The following CDYL variants were observed in gnomAD, a reference collection of about 807,000 sequenced individuals.
CDYL encodes the protein chromodomain Y like, also known as chromodomain Y-like protein.
In CDYL, 8 loss-of-function variants were observed where a neutral mutation model predicts 47.3. The ratio of observed to expected loss-of-function variants is 0.17; its 90% CI spans 0.10 to 0.31. The LOEUF is 0.31. Ranked by LOEUF, CDYL falls within the 10% of genes least tolerant of loss-of-function variation. CDYL has a pLI of 1.00. For synonymous variants in CDYL, 266 were observed against 265.0 expected, an observed-to-expected ratio of 1.00 and a Z score of -0.04; for missense variants, 471 against 701.4, an observed-to-expected ratio of 0.67 and a Z score of 3.71.
chr6:4,949,869 A>G (rs1430022075), intron 5 of CDYL, among the ~76,000 whole-genome samples: 2 of 152,186 alleles, frequency 1.3e-5, no homozygotes, highest in African/African-American at 4.8e-5. Flanking sequence ...TTAAGTGAAA[A>G]AGCTTTAACA....
At chr6:4,817,420 C>T (rs1012754928) in intron 1 of CDYL, among the ~76,000 whole-genome samples, 7 of 150,672 alleles carry the variant, frequency 4.6e-5, no homozygotes, top group Non-Finnish European at 1.0e-4. Flanking sequence ...GCCAGCTACT[C>T]ACTCCCACCG....
chr6:4,711,047 A>G (rs774050363), intron 1 of CDYL, among the ~76,000 whole-genome samples: 1 of 152,164 alleles, frequency 6.6e-6, no homozygotes, highest in Non-Finnish European at 1.5e-5. Context: ...CACTTCAAAT[A>G]TATACTGTAA....
At chr6:4,736,842 C>T (rs943532063) in intron 3 of CDYL, among the ~76,000 whole-genome samples, 1 of 152,178 alleles carries the variant, frequency 6.6e-6, no homozygotes, top group Non-Finnish European at 1.5e-5. Context: ...TGCTAATTCA[C>T]TTAATTCAAC....
intron 1 of CDYL, among the ~76,000 whole-genome samples, chr6:4,821,474 C>T (rs564241928): frequency 2.0e-4 from 31 of 152,084 alleles, no homozygotes; most frequent in African/African-American, 6.7e-4. Context: ...TGGCTCATGC[C>T]TGTAATCCCG....
intron 2 of CDYL, among the ~76,000 whole-genome samples, chr6:4,726,407 C>T (rs1470751860): frequency 6.6e-6 from 1 of 151,958 alleles, no homozygotes; most frequent in African/African-American, 2.4e-5. Context: ...TGGTACGCAC[C>T]TGTAATCCCA....
At chr6:4,829,746 G>A (rs1406684578) in intron 1 of CDYL, among the ~76,000 whole-genome samples, 1 of 152,174 alleles carries the variant, frequency 6.6e-6, no homozygotes, top group African/African-American at 2.4e-5. Context: ...AAGTTCAGAT[G>A]TCGTGCCGTG....
intron 1 of CDYL, among the ~76,000 whole-genome samples, chr6:4,801,473 G>A (rs1387224163): frequency 6.6e-6 from 1 of 152,196 alleles, no homozygotes; most frequent in African/African-American, 2.4e-5. Context: ...CTGAACTCTT[G>A]TGTTCTTCTG....
At chr6:4,769,408 A>G (rs937058142) in intron 3 of CDYL, among the ~76,000 whole-genome samples, 3 of 152,220 alleles carry the variant, frequency 2.0e-5, no homozygotes, top group Non-Finnish European at 4.4e-5. Context: ...AAATTATTTA[A>G]AAGTCTGCCA....
Position 4,917,473 on chromosome 6 carries a change from A to G in CDYL, c.692-18042A>G, listed in dbSNP as rs142493387. The stretch of plus-strand genomic sequence containing the variant: ...TAGTTTTAAGGGAGGTCTATAATGT[A>G]TACTAATACTAATACATTGTAACCA... On this transcript the variant is annotated intron_variant, in intron 2 of 6. Transcript: ENST00000397588. 3.7e-3 allele frequency among the ~76,000 whole-genome samples: 566 copies of G among 152,278 alleles called. 8 individuals carry two copies. Among genetic ancestry groups the G allele is most frequent in the African/African-American group, 0.013 (534 of 41,558 alleles).
intron 1 of CDYL, among the ~76,000 whole-genome samples, chr6:4,785,771 T>TTGAC (rs1758739468): frequency 6.6e-6 from 1 of 152,260 alleles, no homozygotes; most frequent in Non-Finnish European, 1.5e-5. Context: ...GTACTTGGAC[T>TTGAC]TGACTGGCAC....
At chr6:4,884,045 G>A (rs1473619842) in intron 1 of CDYL, among the ~76,000 whole-genome samples, 1 of 152,184 alleles carries the variant, frequency 6.6e-6, no homozygotes, top group East Asian at 1.9e-4. Context: ...CCATAGACAT[G>A]GTGGTAGGAA....
intron 2 of CDYL, chr6:4,715,932 T>G (rs530510138): frequency 2.7e-5 from 42 of 1,581,374 alleles, no homozygotes; most frequent in Middle Eastern, 3.3e-4. Flanking sequence ...GCAGAATTCT[T>G]AGAGAGGCCC....
chr6:4,795,154 A>T (rs187115611), intron 1 of CDYL, among the ~76,000 whole-genome samples: 1,618 of 118,434 alleles, frequency 0.014, 27 homozygotes, highest in African/African-American at 0.044. Flanking sequence ...GCTCTTTTTT[A>T]AAAAAAAAAA....
intron 1 of CDYL, among the ~76,000 whole-genome samples, chr6:4,862,054 A>G (rs1761184454): frequency 1.3e-5 from 2 of 152,106 alleles, no homozygotes; most frequent in African/African-American, 4.8e-5. Flanking sequence ...GAAACCAGAA[A>G]CAAAAAGAAC....
At chr6:4,891,161 G>A (rs1289266471) in intron 1 of CDYL, among the ~76,000 whole-genome samples, 2 of 152,222 alleles carry the variant, frequency 1.3e-5, no homozygotes, top group African/African-American at 4.8e-5. Flanking sequence ...GCTCTAGACT[G>A]TTTTATTACA....
chr6:4,749,389 A>G (rs1757952503), intron 3 of CDYL, among the ~76,000 whole-genome samples: 1 of 150,284 alleles, frequency 6.7e-6, no homozygotes, highest in African/African-American at 2.5e-5. Flanking sequence ...TGTGATGGAT[A>G]GATGGATGGA....
chr6:4,797,163 A>G (rs1375294485), intron 1 of CDYL, among the ~76,000 whole-genome samples: 2 of 150,468 alleles, frequency 1.3e-5, no homozygotes, highest in African/African-American at 4.8e-5. Context: ...AAAATGAAAT[A>G]TGTATATTAC....
chr6:4,735,843 CAT>C (rs1757693516), intron 3 of CDYL, among the ~76,000 whole-genome samples: 1 of 152,118 alleles, frequency 6.6e-6, no homozygotes, highest in Non-Finnish European at 1.5e-5. Context: ...ATGTTATAAA[CAT>C]ATCCATCATC....
chr6:4,851,975 A>G (rs186861770), intron 1 of CDYL, among the ~76,000 whole-genome samples: 6 of 151,134 alleles, frequency 4.0e-5, no homozygotes, highest in African/African-American at 1.5e-4. Context: ...TTCTATAGTG[A>G]CTTTTTGAAG....
Sources: allele counts gnomAD v4.1 joint callset (sites outside exome capture counted in the v4.1 genomes callset), GRCh38; gene constraint gnomAD v4.1.1; transcripts MANE v1.5; gene names NCBI Gene and HGNC (gene_info 2026-07-23, HGNC 2026-07-21).